The following PTPRT variants were observed in gnomAD, a reference collection of about 807,000 sequenced individuals.
PTPRT encodes the protein receptor-type tyrosine-protein phosphatase T.
Under a neutral mutation model 176.8 loss-of-function variants are expected in PTPRT, and 56 were observed. That is an observed-to-expected ratio of 0.32 (90% CI 0.26 to 0.40). The LOEUF (loss-of-function observed/expected upper bound fraction) is 0.40, where lower values mean the gene tolerates loss of function less well. PTPRT is among the 10% of genes least tolerant of loss of function. The pLI is 1.00. For missense variants in PTPRT, 1,540 were observed against 1,908.2 expected, an observed-to-expected ratio of 0.81 and a Z score of 3.60; for synonymous variants, 783 against 739.0, an observed-to-expected ratio of 1.06 and a Z score of -0.96.
chr20:42,801,038 A>G (rs1319649593), intron 2 of PTPRT, among the ~76,000 whole-genome samples: 1 of 152,144 alleles, frequency 6.6e-6, no homozygotes, highest in Non-Finnish European at 1.5e-5. Flanking sequence ...GAGAGCATCC[A>G]TCTATTTCTC....
chr20:43,002,743 T>C (rs1364937193), intron 1 of PTPRT, among the ~76,000 whole-genome samples: 1 of 152,052 alleles, frequency 6.6e-6, no homozygotes, highest in Non-Finnish European at 1.5e-5. Context: ...GTAACTTTCA[T>C]AGACTTAAAT....
intron 2 of PTPRT, among the ~76,000 whole-genome samples, chr20:42,848,487 T>C (rs1188252166): frequency 6.6e-6 from 1 of 152,208 alleles, no homozygotes; most frequent in Admixed American, 6.5e-5. Flanking sequence ...ACATCTATTA[T>C]TTTTTGATTT....
chr20:42,317,896 C>A (rs1186459810), intron 11 of PTPRT, among the ~76,000 whole-genome samples: 1 of 152,158 alleles, frequency 6.6e-6, no homozygotes, highest in African/African-American at 2.4e-5. Context: ...GAGTAAGAAC[C>A]TGACAGTTCA....
intron 27 of PTPRT, among the ~76,000 whole-genome samples, chr20:42,090,524 T>C (rs1272643123): frequency 6.6e-6 from 1 of 152,126 alleles, no homozygotes; most frequent in African/African-American, 2.4e-5. Flanking sequence ...CTCTGAAATA[T>C]GCCATAAACT....
intron 1 of PTPRT, among the ~76,000 whole-genome samples, chr20:43,019,264 G>A (rs1409827224): frequency 6.6e-6 from 1 of 152,122 alleles, no homozygotes; most frequent in Non-Finnish European, 1.5e-5. Context: ...TGTTTCAGTA[G>A]GCACAAAACC....
chr20:42,707,044 A>G (rs1012804493), intron 6 of PTPRT, among the ~76,000 whole-genome samples: 2 of 152,246 alleles, frequency 1.3e-5, no homozygotes, highest in African/African-American at 4.8e-5. Context: ...GGCAACCTCC[A>G]AAAGCCAGGA....
chr20:42,702,879 GT>G (rs1416644640), intron 6 of PTPRT, among the ~76,000 whole-genome samples: 1 of 152,132 alleles, frequency 6.6e-6, no homozygotes, highest in Non-Finnish European at 1.5e-5. Flanking sequence ...TCTTAGTTTT[GT>G]TTTTGCCTCT....
intron 16 of PTPRT, among the ~76,000 whole-genome samples, chr20:42,178,983 A>G (rs893952358): frequency 1.6e-4 from 24 of 152,176 alleles, no homozygotes; most frequent in African/African-American, 3.9e-4. Context: ...GGGACATCTC[A>G]TCACTTTATC....
chr20:42,367,680 C>T (rs1212053186), intron 9 of PTPRT, among the ~76,000 whole-genome samples: 4 of 152,084 alleles, frequency 2.6e-5, no homozygotes, highest in African/African-American at 7.2e-5. Flanking sequence ...ACTGATCAGC[C>T]TCACTGAGAA....
intron 7 of PTPRT, among the ~76,000 whole-genome samples, chr20:42,579,369 G>A (rs1176817852): frequency 2.0e-5 from 3 of 152,032 alleles, no homozygotes; most frequent in Admixed American, 6.6e-5. Context: ...CAATAAACAT[G>A]CGTGTGCATG....
rs551073343 is a variant in PTPRT, at chr20:42,256,585, G to T, written c.2177-7763C>A. Among the ~76,000 whole-genome samples the T allele has an allele frequency of 4.6e-5, 7 of 151,634 alleles. No homozygotes were observed. In the East Asian group the frequency reaches 1.2e-3, roughly 25 times the overall value. On this transcript the variant is annotated intron_variant, in intron 13 of 30. Transcript: ENST00000373187. The stretch of plus-strand genomic sequence containing the variant: ...AAAATAGACTAGATGATTAAATCAG[G>T]TTCCCCCCACCCCCACCCTTACCAC...
intron 11 of PTPRT, among the ~76,000 whole-genome samples, chr20:42,316,900 A>G (rs1360075742): frequency 1.3e-5 from 2 of 152,170 alleles, no homozygotes; most frequent in African/African-American, 4.8e-5. Context: ...TAGTTCCCCT[A>G]GAGCTCATCT....
At chr20:42,795,097 A>C (rs546179973) in intron 2 of PTPRT, among the ~76,000 whole-genome samples, 2 of 152,224 alleles carry the variant, frequency 1.3e-5, no homozygotes. Context: ...AGTTTCCTGG[A>C]GATCAAAAAT....
At chr20:42,117,235 T>C (rs1312975949) in intron 21 of PTPRT, among the ~76,000 whole-genome samples, 1 of 152,234 alleles carries the variant, frequency 6.6e-6, no homozygotes, top group Admixed American at 6.5e-5. Flanking sequence ...AAAGCCCAGA[T>C]TGTCTCCTTC....
intron 2 of PTPRT, among the ~76,000 whole-genome samples, chr20:42,814,103 A>G (rs577845825): frequency 1.0e-3 from 159 of 152,276 alleles, no homozygotes; most frequent in Non-Finnish European, 2.0e-3. Flanking sequence ...TGTTACTAAT[A>G]TGCTTTTTGG....
At chr20:42,634,017 TATATA>T (rs2074511907) in intron 7 of PTPRT, among the ~76,000 whole-genome samples, 9 of 27,356 alleles carry the variant, frequency 3.3e-4, no homozygotes, top group African/African-American at 1.8e-3. Flanking sequence ...ATATAATATA[TATATA>T]ATATATATAT....
At chr20:42,488,613 G>T (rs965075155) in intron 7 of PTPRT, among the ~76,000 whole-genome samples, 8 of 151,834 alleles carry the variant, frequency 5.3e-5, no homozygotes, top group African/African-American at 9.7e-5. Flanking sequence ...TATTCTAGGG[G>T]TTTTTTTTGT....
chr20:42,342,366 G>A (rs981066995), intron 11 of PTPRT, among the ~76,000 whole-genome samples: 12 of 152,126 alleles, frequency 7.9e-5, no homozygotes, highest in Non-Finnish European at 8.8e-5. Context: ...GGCTAAAAGT[G>A]GTGTTAACAA....
At chr20:42,863,635 T>G (rs1298688452) in intron 2 of PTPRT, among the ~76,000 whole-genome samples, 1 of 152,208 alleles carries the variant, frequency 6.6e-6, no homozygotes, top group African/African-American at 2.4e-5. Context: ...GTAGTGGACA[T>G]GTCAGTGGTC....
Sources: allele counts gnomAD v4.1 joint callset (sites outside exome capture counted in the v4.1 genomes callset), GRCh38; gene constraint gnomAD v4.1.1; transcripts MANE v1.5; gene names NCBI Gene and HGNC (gene_info 2026-07-23, HGNC 2026-07-21).